Variants in ZC3H6 observed in about 807,000 individuals in gnomAD.
ZC3H6 encodes zinc finger CCCH-type containing 6.
Under a neutral mutation model 107.7 loss-of-function variants are expected in ZC3H6, and 40 were observed. The observed-to-expected ratio is 0.37, with a 90% CI of 0.29 to 0.48. The LOEUF is 0.48. ZC3H6 is among the 20% of genes least tolerant of loss of function. The pLI, the probability that ZC3H6 is intolerant of heterozygous loss-of-function variation, is 0.98. For missense variants in ZC3H6, 1,267 were observed against 1,410.4 expected, an observed-to-expected ratio of 0.90 and a Z score of 1.63; for synonymous variants, 493 against 487.9, an observed-to-expected ratio of 1.01 and a Z score of -0.14.
At position 112,309,918 on chromosome 2, in the gene ZC3H6, A is replaced by C; in HGVS notation, c.370A>C (p.Lys124Gln). ...GHISGSYITS[K>Q]KGQHNKKFKS... Reference sequence around the variant, plus strand: ...TATATCAGGAAGCTACATAACATCAAAGAAGGGTCAACATAACAAAAAATT... The same window carrying C: ...TATATCAGGAAGCTACATAACATCACAGAAGGGTCAACATAACAAAAAATT... Residue 124 changes from lysine to glutamine, a missense_variant, in exon 4 of 12, where the codon AAG (lysine) becomes CAG (glutamine). Around this residue, in one of 3 missense-constraint regions of ZC3H6, gnomAD observed 337 missense variants for 361.2 expected, o/e 0.93. Coordinates refer to ENST00000409871, the MANE Select transcript of ZC3H6 (RefSeq NM_198581.3). The C allele has an allele frequency of 6.3e-7, 1 of 1,592,124 alleles. No individual in the cohort carries two copies. The highest frequency in any genetic ancestry group is 8.6e-7 in the Non-Finnish European group (1 of 1,168,364).
At chr2:112,315,225 G>A (rs1054064041) in intron 5 of ZC3H6, among the ~76,000 whole-genome samples, 2 of 152,146 alleles carry the variant, frequency 1.3e-5, no homozygotes, top group African/African-American at 4.8e-5. Context: ...GCATGGCTAA[G>A]CATCATACTC....
chr2:112,331,579 A>T lies in ZC3H6; in HGVS notation c.2661A>T (p.Val887=). ...GGGCTCCCGAAGACTTACTTCCAGT[A>T]CCTTTACCTAAACCTGATCCAGTGT... ...IVWAPEDLLP[V]PLPKPDPVSS... is the part of the protein sequence containing the mutation. The change falls in exon 12 of 12, where the codon GTA becomes GTT. Residue 887 remains valine (V), a synonymous_variant. Transcript: ENST00000409871. 6.2e-7 allele frequency: 1 copy of T among 1,613,942 alleles called. No individual in the cohort carries two copies. Among genetic ancestry groups the T allele is most frequent in the Non-Finnish European group, 8.5e-7 (1 of 1,179,870 alleles).
chr2:112,294,777 A>G (rs546110751), intron 1 of ZC3H6, among the ~76,000 whole-genome samples: 19 of 152,190 alleles, frequency 1.2e-4, no homozygotes, highest in Non-Finnish European at 2.4e-4. Flanking sequence ...TTTAATGAAT[A>G]ATTACCTTAG....
At chr2:112,288,664 A>G (rs888364751) in intron 1 of ZC3H6, among the ~76,000 whole-genome samples, 3 of 152,250 alleles carry the variant, frequency 2.0e-5, no homozygotes, top group Non-Finnish European at 4.4e-5. Flanking sequence ...TAGTTTTAAC[A>G]TGCCACTTAA....
At chr2:112,283,731 G>C (rs1348777922) in intron 1 of ZC3H6, among the ~76,000 whole-genome samples, 1 of 152,216 alleles carries the variant, frequency 6.6e-6, no homozygotes, top group African/African-American at 2.4e-5. Flanking sequence ...CAGCCTATCT[G>C]TGGCATTCAG....
rs1321433330 is a variant in ZC3H6 at position 112,335,888 on chromosome 2, G to A, written c.*3400G>A. Reference sequence around the variant, plus strand: ...ATAGACTTGGGCCTCTTCAAGATCTGACTTCTCTGCACATTCTATACAGGT... The same window carrying A: ...ATAGACTTGGGCCTCTTCAAGATCTAACTTCTCTGCACATTCTATACAGGT... On this transcript the variant is annotated 3_prime_UTR_variant, in exon 12 of 12. Coordinates refer to ENST00000409871, the MANE Select transcript of ZC3H6 (RefSeq NM_198581.3). The A allele has an allele frequency of 2.0e-5, 3 of 152,118 alleles. No homozygotes were observed. Among genetic ancestry groups the A allele is most frequent in the Non-Finnish European group, 4.4e-5 (3 of 68,024 alleles). 9.4% of individuals were successfully genotyped at this position (152,118 alleles called of 1,614,324 possible). A position where few individuals can be genotyped will look rare whatever the true frequency, so the allele number is the denominator to read the frequency against.
Position 112,275,831 on chromosome 2 carries a change from G to C in ZC3H6, c.-164G>C. The C allele has an allele frequency of 3.6e-6, 2 of 557,910 alleles. No individual in the cohort carries two copies. Among genetic ancestry groups the C allele is most frequent in the African/African-American group, 2.0e-5 (1 of 49,792 alleles). 34.6% of individuals were successfully genotyped at this position (557,910 alleles called of 1,614,324 possible). A position where few individuals can be genotyped will look rare whatever the true frequency, so the allele number is the denominator to read the frequency against. ...TGGTTGTTAATAGACTGGAAAGTCTGTGTCTGTGTCGCTCACTAGTAACCG... is the reference window on the plus strand; with the variant it reads ...TGGTTGTTAATAGACTGGAAAGTCTCTGTCTGTGTCGCTCACTAGTAACCG... On this transcript the variant is annotated 5_prime_UTR_variant, in exon 1 of 12. Transcript: ENST00000409871.
At position 112,275,916 on chromosome 2, in the gene ZC3H6, C is replaced by T. The variant is rs1671993901; in HGVS notation, c.-79C>T. 2 of 1,320,038 alleles carry T rather than the reference C, an allele frequency of 1.5e-6. No homozygotes were observed. Among genetic ancestry groups the T allele is most frequent in the Non-Finnish European group, 2.0e-6 (2 of 980,306 alleles). The allele number at this position is 1,320,038 out of a possible 1,614,324, so 81.8% of individuals were successfully genotyped here. A position where few individuals can be genotyped will look rare whatever the true frequency, so the allele number is the denominator to read the frequency against. ...GCCGGGAGCAGGTTCCCGCAGGCGG[C>T]GCGGGGGGTCTTCCCCGCGCCCCGC... On this transcript the variant is annotated 5_prime_UTR_variant, in exon 1 of 12. Transcript: ENST00000409871.
rs776347628 is a variant in ZC3H6 at position 112,322,892 on chromosome 2, A to T, written c.1330A>T (p.Ile444Phe). ...VKPTVDLAHKIGRKPPAFYTS... is the reference protein window; with the variant it reads ...VKPTVDLAHKFGRKPPAFYTS... Reference sequence around the variant, plus strand: ...ACCTACTGTGGATTTAGCGCATAAAATTGGGAGGAAGTAAGTGAAAAACTT... The same window carrying T: ...ACCTACTGTGGATTTAGCGCATAAATTTGGGAGGAAGTAAGTGAAAAACTT... Residue 444 changes from isoleucine (I) to phenylalanine (F), a missense_variant, in exon 9 of 12, where the codon ATT (isoleucine) becomes TTT (phenylalanine). Physicochemically the swap from Ile to Phe is conservative, Grantham distance 21. Coordinates refer to ENST00000409871, the MANE Select transcript of ZC3H6 (RefSeq NM_198581.3). The T allele has an allele frequency of 6.3e-7, 1 of 1,577,358 alleles. No individual in the cohort carries two copies. Among genetic ancestry groups the T allele is most frequent in the African/African-American group, 1.4e-5 (1 of 72,752 alleles).
intron 1 of ZC3H6, among the ~76,000 whole-genome samples, chr2:112,289,804 A>C (rs972833751): frequency 1.3e-5 from 2 of 152,152 alleles, no homozygotes; most frequent in Non-Finnish European, 2.9e-5. Context: ...ACAATGGCCC[A>C]ATGACAGCTT....
Position 112,331,517 on chromosome 2 carries a change from A to G in ZC3H6, c.2599A>G (p.Thr867Ala). 1 of 1,613,902 alleles carries G rather than the reference A, an allele frequency of 6.2e-7. No homozygotes were observed. The highest frequency in any genetic ancestry group is 8.5e-7 in the Non-Finnish European group (1 of 1,179,872). The change falls in exon 12 of 12, where the codon ACT becomes GCT. Residue 867 changes from threonine (T) to alanine (A), a missense_variant. By Grantham distance (58) the Thr-to-Ala change is moderately conservative (BLOSUM62 0). Coordinates refer to ENST00000409871, the MANE Select transcript of ZC3H6 (RefSeq NM_198581.3). ...GTTCAGTCACATTAAAATGGACATT[A>G]CTCTAACCAAACCCAACTTTGCAAA... ...RQFSHIKMDI[T>A]LTKPNFAKHI...
At chr2:112,290,486 T>G (rs958755805) in intron 1 of ZC3H6, among the ~76,000 whole-genome samples, 1 of 152,262 alleles carries the variant, frequency 6.6e-6, no homozygotes, top group African/African-American at 2.4e-5. Flanking sequence ...CGTATACTTG[T>G]GTGGTTATTT....
Position 112,325,016 on chromosome 2 carries a change from C to T in ZC3H6, c.1905C>T (p.Asp635=). ...FAQQQPPVVQ[D]SPNHGSGSDG... ...AGCAGCAGCCTCCTGTTGTTCAAGA[C>T]TCACCTAACCATGGGAGTGGGTCTG... Residue 635 remains aspartate, a synonymous_variant, in exon 11 of 12, where the codon GAC becomes GAT. Coordinates refer to ENST00000409871, the MANE Select transcript of ZC3H6 (RefSeq NM_198581.3). 1 of 1,612,930 alleles carries T rather than the reference C, an allele frequency of 6.2e-7. No individual in the cohort carries two copies. The highest frequency in any genetic ancestry group is 8.5e-7 in the Non-Finnish European group (1 of 1,179,420).
chr2:112,318,781 A>G (rs961961906), intron 7 of ZC3H6, among the ~76,000 whole-genome samples: 2 of 152,160 alleles, frequency 1.3e-5, no homozygotes, highest in Admixed American at 1.3e-4. Flanking sequence ...CTGGGCAGTG[A>G]TTACTGATGG....
intron 1 of ZC3H6, among the ~76,000 whole-genome samples, chr2:112,281,904 C>T (rs1229304867): frequency 6.6e-6 from 1 of 151,862 alleles, no homozygotes; most frequent in Non-Finnish European, 1.5e-5. Flanking sequence ...TGTACATTAT[C>T]CTAAGTTAAA....
At chr2:112,312,122 A>G in intron 5 of ZC3H6, 185 bp downstream of exon 5, 1 of 559,918 alleles carries the variant, frequency 1.8e-6, no homozygotes, top group Non-Finnish European at 2.8e-6. Context: ...TAATTTACAG[A>G]TTTTGCTGAC....
In ZC3H6 at chr2:112,335,558, TATTG is replaced by T. The variant is rs1466690357; in HGVS notation, c.*3073_*3076del. ...TTATCTGTGAAATTGGGTTAATTTT[TATTG>T]ATCACATTTGATGTAAAGAATGAAT... On this transcript the variant is annotated 3_prime_UTR_variant, in exon 12 of 12. Coordinates refer to ENST00000409871, the MANE Select transcript of ZC3H6 (RefSeq NM_198581.3). The T allele has an allele frequency of 1.6e-4, 25 of 152,172 alleles. No individual in the cohort carries two copies. The highest frequency in any genetic ancestry group is 1.6e-3 in the Admixed American group (25 of 15,272). 9.4% of individuals were successfully genotyped at this position (152,172 alleles called of 1,614,324 possible).
chr2:112,317,296 T>C lies in ZC3H6; in HGVS notation c.940T>C (p.Tyr314His). 1 of 1,579,932 alleles carries C rather than the reference T, an allele frequency of 6.3e-7. No homozygotes were observed. Among genetic ancestry groups the C allele is most frequent in the Non-Finnish European group, 8.6e-7 (1 of 1,164,758 alleles). The change falls in exon 7 of 12, where the codon TAT (tyrosine) becomes CAT (histidine). Residue 314 changes from tyrosine (Y) to histidine (H), a missense_variant. This residue lies in a region of ZC3H6 where 5 missense variants were observed against 23.4 expected (regional missense o/e 0.21). Transcript: ENST00000409871. ...GATCTGCAAATTTTATTTACAAGGA[T>C]ATTGTACCAAAGGAGAGAACTGCAT... is the stretch of plus-strand genomic sequence containing the variant. ...KEICKFYLQG[Y>H]CTKGENCIYM...
intron 1 of ZC3H6, among the ~76,000 whole-genome samples, chr2:112,297,339 A>G (rs896805413): frequency 5.9e-5 from 9 of 152,222 alleles, no homozygotes; most frequent in Non-Finnish European, 1.3e-4. Flanking sequence ...TATTTAAGAA[A>G]TTACACATAC....
Sources: gnomAD v4.1 joint callset for allele counts (sites outside exome capture counted in the v4.1 genomes callset) on GRCh38, gnomAD v4.1.1 for gene constraint, gnomAD v4.1.1 regional missense constraint, MANE v1.5 for transcripts, NCBI Gene and HGNC (gene_info 2026-07-23, HGNC 2026-07-21) for gene names.